The following AKAP6 variants were observed in gnomAD, a reference collection of about 807,000 sequenced individuals.
The protein encoded by AKAP6 is A-kinase anchor protein 6.
In AKAP6, 58 loss-of-function variants were observed where a neutral mutation model predicts 188.5. The observed-to-expected ratio is 0.31, with a 90% CI of 0.25 to 0.38. AKAP6 has a LOEUF of 0.38. Among genes scored for constraint, AKAP6 ranks in the 10% least tolerant of loss-of-function variants. The pLI is 1.00. For synonymous variants in AKAP6, 989 were observed against 998.6 expected (o/e 0.99, Z 0.18); for missense variants, 2,710 against 2,740.0 (o/e 0.99, Z 0.24).
At chr14:32,716,006 A>G (rs1432459921) in intron 9 of AKAP6, among the ~76,000 whole-genome samples, 2 of 151,920 alleles carry the variant, frequency 1.3e-5, no homozygotes, top group Non-Finnish European at 2.9e-5. Flanking sequence ...GGCTTATCCA[A>G]TCCTCACAGC....
intron 8 of AKAP6, among the ~76,000 whole-genome samples, chr14:32,691,598 G>T (rs552448048): frequency 6.6e-6 from 1 of 151,556 alleles, no homozygotes; most frequent in Non-Finnish European, 1.5e-5. Context: ...TTGCTGTGTC[G>T]CCCAGGCTGG....
intron 12 of AKAP6, among the ~76,000 whole-genome samples, chr14:32,799,167 T>C (rs1237509274): frequency 1.3e-5 from 2 of 152,194 alleles, no homozygotes; most frequent in African/African-American, 4.8e-5. Flanking sequence ...GATTTCATGT[T>C]AGACTTCATT....
chr14:32,722,657 TG>T (rs2030609313), intron 9 of AKAP6, among the ~76,000 whole-genome samples: 1 of 152,136 alleles, frequency 6.6e-6, no homozygotes, highest in Non-Finnish European at 1.5e-5. Flanking sequence ...TTCGGCTGGC[TG>T]GGGACAGAGA....
At chr14:32,796,838 G>A (rs1404365608) in intron 12 of AKAP6, among the ~76,000 whole-genome samples, 2 of 152,152 alleles carry the variant, frequency 1.3e-5, no homozygotes, top group African/African-American at 4.8e-5. Context: ...CATAGCACAA[G>A]AAACTCATCA....
intron 7 of AKAP6, among the ~76,000 whole-genome samples, chr14:32,672,677 G>T (rs1368617858): frequency 6.6e-6 from 1 of 152,044 alleles, no homozygotes; most frequent in Non-Finnish European, 1.5e-5. Flanking sequence ...GAATTTGGGG[G>T]TGAGGGGACA....
At chr14:32,596,490 T>G (rs1292003771) in intron 5 of AKAP6, among the ~76,000 whole-genome samples, 1 of 152,196 alleles carries the variant, frequency 6.6e-6, no homozygotes, top group East Asian at 1.9e-4. Context: ...TCATCATGTT[T>G]TTCCATTTCC....
chr14:32,822,292 T>A lies in AKAP6; in HGVS notation c.4479T>A (p.His1493Gln). ...IMKQSQSEKA[H>Q]VEDPLLRGFY... ...AACAGTCACAAAGCGAAAAAGCGCATGTGGAGGATCCCCTGCTTCGTGGTT... is the reference window on the plus strand; with the variant it reads ...AACAGTCACAAAGCGAAAAAGCGCAAGTGGAGGATCCCCTGCTTCGTGGTT... Residue 1493 changes from histidine to glutamine, a missense_variant, in exon 13 of 14, where the codon CAT (histidine) becomes CAA (glutamine). Physicochemically the swap from His to Gln is conservative, Grantham distance 24. This residue lies in a region of AKAP6 where 2,473 missense variants were observed against 2,426.1 expected (regional missense o/e 1.02). Transcript: ENST00000280979. 2.5e-6 allele frequency: 4 copies of A among 1,613,934 alleles called. No homozygotes were observed. The highest frequency in any genetic ancestry group is 3.4e-6 in the Non-Finnish European group (4 of 1,179,936).
chr14:32,705,285 C>A, intron 9 of AKAP6, among the ~76,000 whole-genome samples: 1 of 151,952 alleles, frequency 6.6e-6, no homozygotes. Flanking sequence ...GGGGAAGGCG[C>A]AGGAGAATGA....
At chr14:32,645,373 A>C (rs1887944623) in intron 7 of AKAP6, among the ~76,000 whole-genome samples, 1 of 152,302 alleles carries the variant, frequency 6.6e-6, no homozygotes, top group African/African-American at 2.4e-5. Flanking sequence ...GCTGATTGTC[A>C]ATATATTTGT....
intron 2 of AKAP6, among the ~76,000 whole-genome samples, chr14:32,518,383 T>C (rs1566551094): frequency 6.6e-6 from 1 of 151,970 alleles, no homozygotes; most frequent in South Asian, 2.1e-4. Flanking sequence ...GGATCGGTAA[T>C]AACAGACTTC....
chr14:32,564,660 A>G (rs895594200), intron 4 of AKAP6, among the ~76,000 whole-genome samples: 1 of 152,192 alleles, frequency 6.6e-6, no homozygotes, highest in Non-Finnish European at 1.5e-5. Context: ...AGGAAGCTCT[A>G]TATGCAAGAA....
intron 2 of AKAP6, among the ~76,000 whole-genome samples, chr14:32,480,743 A>C (rs1879300204): frequency 6.6e-6 from 1 of 152,194 alleles, no homozygotes; most frequent in Non-Finnish European, 1.5e-5. Context: ...ACTTCAATAT[A>C]CTTTTATGCC....
intron 12 of AKAP6, among the ~76,000 whole-genome samples, chr14:32,798,423 A>G (rs982553877): frequency 8.5e-5 from 13 of 152,178 alleles, no homozygotes; most frequent in Admixed American, 3.3e-4. Flanking sequence ...AGATACATAC[A>G]TATGTTCCCC....
chr14:32,616,570 G>GT (rs1246664040), intron 7 of AKAP6, among the ~76,000 whole-genome samples: 1 of 152,114 alleles, frequency 6.6e-6, no homozygotes, highest in Non-Finnish European at 1.5e-5. Flanking sequence ...ACACATAGAG[G>GT]GGAGCAAAAG....
At chr14:32,365,132 A>AG (rs1338122636) in intron 1 of AKAP6, among the ~76,000 whole-genome samples, 6 of 152,224 alleles carry the variant, frequency 3.9e-5, no homozygotes, top group Admixed American at 3.9e-4. Context: ...GACAGGACAC[A>AG]GTGCCATATT....
At chr14:32,524,543 T>C (rs199788374) in intron 2 of AKAP6, among the ~76,000 whole-genome samples, 1 of 152,108 alleles carries the variant, frequency 6.6e-6, no homozygotes, top group African/African-American at 2.4e-5. Context: ...TATGATAAAG[T>C]GTACAAAAAA....
At chr14:32,577,066 C>A (rs942694385) in intron 4 of AKAP6, 54 bp from the exon 5 acceptor site, 5 of 1,569,848 alleles carry the variant, frequency 3.2e-6, no homozygotes, top group South Asian at 2.4e-5. Context: ...ACAGAATAAC[C>A]AACTAACATG....
chr14:32,368,478 C>T (rs916636162), intron 1 of AKAP6, among the ~76,000 whole-genome samples: 3 of 151,490 alleles, frequency 2.0e-5, no homozygotes, highest in Non-Finnish European at 2.9e-5. Flanking sequence ...ATACACAGTG[C>T]GAGGACATTT....
intron 2 of AKAP6, among the ~76,000 whole-genome samples, chr14:32,473,144 C>CT (rs747157294): frequency 1.3e-5 from 2 of 152,140 alleles, no homozygotes; most frequent in African/African-American, 2.4e-5. Context: ...CTACAGCTTT[C>CT]TTATCACAAG....
Sources: gnomAD v4.1 joint callset for allele counts (sites outside exome capture counted in the v4.1 genomes callset) on GRCh38, gnomAD v4.1.1 for gene constraint, gnomAD v4.1.1 regional missense constraint, MANE v1.5 for transcripts, NCBI Gene and HGNC (gene_info 2026-07-23, HGNC 2026-07-21) for gene names.